Variants in HOOK2 observed in about 807,000 individuals in gnomAD.
HOOK2 encodes the protein protein Hook homolog 2.
A neutral mutation model predicts 111.9 loss-of-function variants in HOOK2; 108 were observed. The observed-to-expected ratio is 0.96, with a 90% CI of 0.83 to 1.13. The LOEUF (loss-of-function observed/expected upper bound fraction) is 1.13. HOOK2 is among the 50% of genes most tolerant of loss of function. HOOK2 has a pLI of 0.00. For missense variants in HOOK2, 978 were observed against 951.3 expected, an observed-to-expected ratio of 1.03 and a Z score of -0.37; for synonymous variants, 405 against 394.3, an observed-to-expected ratio of 1.03 and a Z score of -0.32.
rs201409591 is a variant in HOOK2 at position 12,771,262 on chromosome 19, C to T, written c.658G>A (p.Glu220Lys). The change falls in exon 9 of 23, where the codon GAG (glutamate) becomes AAG (lysine). Residue 220 changes from glutamate to lysine, a missense_variant. Physicochemically the swap from Glu to Lys is moderately conservative, Grantham distance 56. Around this residue, in one of 5 missense-constraint regions of HOOK2, gnomAD observed 301 missense variants for 286.1 expected, o/e 1.05. Coordinates refer to ENST00000397668, the MANE Select transcript of HOOK2 (RefSeq NM_013312.3). Reference protein sequence around the residue: ...SLAQENAGLRERMGRPEGEGT... With the variant: ...SLAQENAGLRKRMGRPEGEGT... ...TCGCCTTCAGGCCGGCCCATCCGCT[C>T]CCGCAGCCCTGCATTCTCTTGCGCC... 1.0e-5 allele frequency: 16 copies of T among 1,606,460 alleles called. No homozygotes were observed. The highest frequency in any genetic ancestry group is 4.5e-5 in the South Asian group (4 of 89,756).
At chr19:12,766,353 C>A in intron 14 of HOOK2, 113 bp from the exon 15 acceptor site, 1 of 1,325,096 alleles carries the variant, frequency 7.5e-7, no homozygotes, top group Non-Finnish European at 1.0e-6. Context: ...AGAGCCCAGC[C>A]AGACCATGGG....
chr19:12,767,487 T>G, intron 13 of HOOK2, 23 bp from the exon 14 acceptor site: 1 of 1,598,274 alleles, frequency 6.3e-7, no homozygotes. Flanking sequence ...AGAAAAGTCT[T>G]CAGGTCTCTT....
rs757287596 is a variant in HOOK2, at chr19:12,768,963, A to ATTT, written c.1105-843_1105-841dup. On this transcript the variant is annotated intron_variant, in intron 11 of 22. Transcript: ENST00000397668. The stretch of plus-strand genomic sequence containing the variant: ...CAGGCGCGCGCCACCAGCCCGGCTA[A>ATTT]TTTTTTTTTTTTTTTTTTTCGAGAC... 5.4e-4 allele frequency among the ~76,000 whole-genome samples: 66 copies of ATTT among 122,310 alleles called. 2 individuals are homozygous for ATTT. Among genetic ancestry groups the ATTT allele is most frequent in the Non-Finnish European group, 5.9e-4 (34 of 57,466 alleles). 80.2% of individuals were successfully genotyped at this position (122,310 alleles called of 152,430 possible). A position where few individuals can be genotyped will look rare whatever the true frequency, so the allele number is the denominator to read the frequency against.
chr19:12,780,054 G>A (rs1023479842), upstream of HOOK2, among the ~76,000 whole-genome samples: 1 of 152,162 alleles, frequency 6.6e-6, no homozygotes, highest in Admixed American at 6.5e-5. Flanking sequence ...GGAGGTTGAG[G>A]CAAGAGAATT....
At chr19:12,767,692 C>A in intron 13 of HOOK2, 124 bp downstream of exon 13, 1 of 958,018 alleles carries the variant, frequency 1.0e-6, no homozygotes, top group South Asian at 1.6e-5. Context: ...CGTGTCACCT[C>A]TTTCTGGTCA....
upstream of HOOK2, among the ~76,000 whole-genome samples, chr19:12,782,819 G>C (rs1364960893): frequency 6.6e-6 from 1 of 152,160 alleles, no homozygotes; most frequent in Admixed American, 6.5e-5. Context: ...AGCGCCCGGG[G>C]GCTTCCCCAG....
intron 3 of HOOK2, among the ~76,000 whole-genome samples, chr19:12,787,380 C>T (rs1001230440): frequency 6.6e-6 from 1 of 152,140 alleles, no homozygotes; most frequent in African/African-American, 2.4e-5. Flanking sequence ...CCTGTAATCC[C>T]AGCACTTTGG....
Position 12,769,920 on chromosome 19 carries a change from CGCTCGGCGTA to C in HOOK2, c.1055_1064del (p.Leu352ArgfsTer27), listed in dbSNP as rs1463997231. 6.5e-7 allele frequency: 1 copy of C among 1,536,480 alleles called. No homozygotes were observed. Among genetic ancestry groups the C allele is most frequent in the Non-Finnish European group, 8.7e-7 (1 of 1,150,240 alleles). On this transcript the variant is annotated frameshift_variant, in exon 11 of 23. Coordinates refer to ENST00000397668, the MANE Select transcript of HOOK2 (RefSeq NM_013312.3). LOFTEE classifies it high-confidence loss of function. ...CCTCCAGCTGGGCGCGCAGGGAGCC[CGCTCGGCGTA>C]GCTCATCCTCCAGTTGTCGCGTGCG... is the stretch of plus-strand genomic sequence containing the variant.
intron 3 of HOOK2, among the ~76,000 whole-genome samples, chr19:12,773,720 G>T (rs997798621): frequency 6.6e-6 from 1 of 152,052 alleles, no homozygotes; most frequent in African/African-American, 2.4e-5. Flanking sequence ...GCAGCCAGGG[G>T]GAGCTTTATA....
rs771743122 is a variant in HOOK2, at chr19:12,791,754, AC to A, written n.42-17530del. ...GCGGCCCCGCAGGGACCCTCCCCAG[AC>A]CGCCTGGGCCGCCCGGATGTGCACT... On this transcript the variant is annotated intron_variant and non_coding_transcript_variant, in intron 3 of 3. Transcript: ENST00000589765. The surrounding 1 kb of genome is among the most constrained non-coding windows in gnomAD (Gnocchi z 7.0). 1 of 1,580,922 alleles carries A rather than the reference AC, an allele frequency of 6.3e-7. No individual in the cohort carries two copies. Among genetic ancestry groups the A allele is most frequent in the Non-Finnish European group, 8.6e-7 (1 of 1,160,072 alleles).
At position 12,767,888 on chromosome 19, in the gene HOOK2, G is replaced by T. The variant is rs751125633; in HGVS notation, c.1231C>A (p.Arg411=). ...TKEKERLLAE[R]DSLREANEEL... ...TCATTGGCCTCCCGCAAGGAGTCCC[G>T]CTCCGCCAACAGCCGCTGCAGGGAC... The change falls in exon 13 of 23, where the codon CGG becomes AGG. Residue 411 remains arginine, a synonymous_variant. Transcript: ENST00000397668. 2 of 1,609,492 alleles carry T rather than the reference G, an allele frequency of 1.2e-6. No homozygotes were observed. The highest frequency in any genetic ancestry group is 3.3e-5 in the Admixed American group (2 of 59,972).
intron 18 of HOOK2, 78 bp from the exon 19 acceptor site, chr19:12,765,159 C>A: frequency 7.1e-7 from 1 of 1,411,774 alleles, no homozygotes; most frequent in South Asian, 1.2e-5. Flanking sequence ...CCACAGACCT[C>A]CCCGCCAGCC....
intron 14 of HOOK2, 162 bp from the exon 15 acceptor site, chr19:12,766,402 G>C (rs1968148826): frequency 5.8e-6 from 5 of 856,382 alleles, no homozygotes; most frequent in East Asian, 5.7e-5. Flanking sequence ...TCAGGTTCCC[G>C]GCCCAGGGTT....
intron 21 of HOOK2, 24 bp from the exon 22 acceptor site, chr19:12,763,623 GGCCTAGATACGT>G (rs751255365): frequency 1.2e-6 from 2 of 1,614,136 alleles, no homozygotes; most frequent in Non-Finnish European, 1.7e-6. Context: ...AAGTGTCAGG[GGCCTAGATACGT>G]TGGAGGCAGC....
In HOOK2 at chr19:12,764,515, A is replaced by G. The variant is rs1405463477; in HGVS notation, c.1827+299T>C. 6.0e-5 allele frequency: 19 copies of G among 318,776 alleles called. No individual in the cohort carries two copies. The Admixed American group carries it at 8.8e-4, about 15-fold the overall frequency. 19.7% of individuals were successfully genotyped at this position (318,776 alleles called of 1,614,324 possible). A position where few individuals can be genotyped will look rare whatever the true frequency, so the allele number is the denominator to read the frequency against. ...CAGCTAATTTTTGTATTTTTAGTAG[A>G]GATGGGGTTTCACCATGTTGGCCAG... is the stretch of plus-strand genomic sequence containing the variant. On this transcript the variant is annotated intron_variant, in intron 20 of 22. Coordinates refer to ENST00000397668, the MANE Select transcript of HOOK2 (RefSeq NM_013312.3).
chr19:12,764,728 G>A (rs992924791), intron 20 of HOOK2, 86 bp downstream of exon 20: 4 of 1,108,472 alleles, frequency 3.6e-6, no homozygotes, highest in Non-Finnish European at 4.0e-6. Flanking sequence ...GGGCACAGAT[G>A]TGCAAGCAGG....
At chr19:12,772,486 T>C (rs1968366283) in intron 6 of HOOK2, 127 bp downstream of exon 6, 5 of 1,108,074 alleles carry the variant, frequency 4.5e-6, no homozygotes, top group Non-Finnish European at 6.6e-6. Flanking sequence ...GACAGAGATG[T>C]CTGGCCAGCT....
At chr19:12,767,167 A>G (rs1968178952) in intron 14 of HOOK2, among the ~76,000 whole-genome samples, 1 of 152,208 alleles carries the variant, frequency 6.6e-6, no homozygotes, top group Non-Finnish European at 1.5e-5. Flanking sequence ...AACTGGAGCC[A>G]GGTGTTGGAC....
chr19:12,773,510 T>G (rs951988751), intron 3 of HOOK2, among the ~76,000 whole-genome samples: 3 of 151,946 alleles, frequency 2.0e-5, no homozygotes, highest in Non-Finnish European at 2.9e-5. Flanking sequence ...GCCTCTAAAA[T>G]TGCTGGGATT....
Sources: gnomAD v4.1 joint callset for allele counts (sites outside exome capture counted in the v4.1 genomes callset) on GRCh38, gnomAD v4.1.1 for gene constraint, gnomAD v4.1.1 regional missense constraint, Gnocchi (gnomAD v3.1) non-coding constraint, MANE v1.5 for transcripts, NCBI Gene and HGNC (gene_info 2026-07-23, HGNC 2026-07-21) for gene names.